Variants in ROM1 observed in about 807,000 individuals in gnomAD.
ROM1 encodes the protein retinal outer segment membrane protein 1.
ROM1 carries 17 observed loss-of-function variants against 23.0 expected under a neutral mutation model. The observed-to-expected ratio is 0.74, with a 90% CI of 0.51 to 1.11. The LOEUF (loss-of-function observed/expected upper bound fraction) is 1.11, where lower values mean the gene tolerates loss of function less well. Ranked by LOEUF, ROM1 falls within the 50% of genes least tolerant of loss-of-function variation. The probability of loss-of-function intolerance (pLI) is 0.00; values close to 1 mark genes in which losing one functional copy is unlikely to be tolerated. For synonymous variants in ROM1, 200 were observed against 206.5 expected, an observed-to-expected ratio of 0.97 and a Z score of 0.27; for missense variants, 436 against 439.7, an observed-to-expected ratio of 0.99 and a Z score of 0.08.
chr11:62,613,260 T>C lies in ROM1; in HGVS notation c.-22T>C, dbSNP rs4387351. The C allele has an allele frequency of 0.99, 1,554,684 of 1,572,906 alleles. 769,746 individuals carry two copies. The highest frequency in any genetic ancestry group is 1 in the East Asian group (42,906 of 42,906). On this transcript the variant is annotated 5_prime_UTR_variant, in exon 1 of 3. Transcript: ENST00000278833. ...AGCTTCCATCCCTGACACCTCTGCA[T>C]TCCCTTGGGCAGAGATGGGAGATGG...
intron 1 of ROM1, 23 bp from the exon 2 acceptor site, chr11:62,614,235 C>T (rs757598353): frequency 1.2e-6 from 2 of 1,613,520 alleles, no homozygotes; most frequent in Non-Finnish European, 1.7e-6. Context: ...GACATCCTAA[C>T]CCCTCTGTCC....
chr11:62,614,360 A>ATCCCC lies in ROM1; in HGVS notation c.693_694insTCCCC (p.Asp232SerfsTer86). ...GGCCTTGCCTGCAAAACCGTCTTTC[A>ATCCCC]GACTCCTACGCCCACCCCCTGTTCG... On this transcript the variant is annotated frameshift_variant, in exon 2 of 3. Transcript: ENST00000278833. LOFTEE classifies it high-confidence loss of function. 1.2e-6 allele frequency: 2 copies of ATCCCC among 1,614,064 alleles called. No individual in the cohort carries two copies. Among genetic ancestry groups the ATCCCC allele is most frequent in the Non-Finnish European group, 1.7e-6 (2 of 1,179,990 alleles).
In ROM1 at chr11:62,613,320, C is replaced by T. The variant is rs775092181; in HGVS notation, c.39C>T (p.Pro13=). 5.0e-6 allele frequency: 8 copies of T among 1,611,840 alleles called. No homozygotes were observed. The highest frequency in any genetic ancestry group is 6.8e-6 in the Non-Finnish European group (8 of 1,179,560). Residue 13 remains proline (P), a synonymous_variant, in exon 1 of 3, where the codon CCC becomes CCT. Transcript: ENST00000278833. ...TGCCCCTGGTGCTGCCCCTGCAGCCCCGCATCCGCCTGGCACAAGGGCTCT... is the reference window on the plus strand; with the variant it reads ...TGCCCCTGGTGCTGCCCCTGCAGCCTCGCATCCGCCTGGCACAAGGGCTCT... The part of the protein sequence containing the change: ...PVLPLVLPLQ[P]RIRLAQGLWL...
Position 62,613,743 on chromosome 11 carries a change from G to C in ROM1, c.462G>C (p.Gln154His). 1 of 1,614,212 alleles carries C rather than the reference G, an allele frequency of 6.2e-7. No homozygotes were observed. Among genetic ancestry groups the C allele is most frequent in the Non-Finnish European group, 8.5e-7 (1 of 1,180,034 alleles). The stretch of plus-strand genomic sequence containing the variant: ...ACACAGAGGTGCCTGGGCACTGTCA[G>C]GCCAAAAGGCTGGTGGATGAGCTGC... ...YKDTEVPGHC[Q>H]AKRLVDELQL... Residue 154 changes from glutamine to histidine, a missense_variant, in exon 1 of 3, where the codon CAG (glutamine) becomes CAC (histidine). Physicochemically the swap from Gln to His is conservative, Grantham distance 24 (BLOSUM62 0). Transcript: ENST00000278833.
rs147619226 is a variant in ROM1, at chr11:62,614,335, G to A, written c.668G>A (p.Arg223Gln). 2.7e-4 allele frequency: 436 copies of A among 1,613,636 alleles called. No individual in the cohort carries two copies. Among genetic ancestry groups the A allele is most frequent in the Non-Finnish European group, 3.3e-4 (392 of 1,179,912 alleles). The change falls in exon 2 of 3, where the codon CGG becomes CAG. Residue 223 changes from arginine (R) to glutamine (Q), a missense_variant. Arg to Gln is a conservative substitution (Grantham distance 43). Transcript: ENST00000278833. ...TCCTGTTGCAACCCCCACTCACCCC[G>A]GCCTTGCCTGCAAAACCGTCTTTCA... ...PFSCCNPHSPRPCLQNRLSDS... is the reference protein window; with the variant it reads ...PFSCCNPHSPQPCLQNRLSDS...
rs781595555 is a variant in ROM1, at chr11:62,614,794, C to T, written c.1011C>T (p.Ala337=). The T allele has an allele frequency of 1.2e-6, 2 of 1,614,174 alleles. No individual in the cohort carries two copies. The highest frequency in any genetic ancestry group is 1.7e-6 in the Non-Finnish European group (2 of 1,180,026). Residue 337 remains alanine, a synonymous_variant, in exon 3 of 3, where the codon GCC becomes GCT. Transcript: ENST00000278833. ...GVACRPAPEE[A]PPGEAPPKED... is the part of the protein sequence containing the mutation. Reference sequence around the variant, plus strand: ...CCTGCAGGCCAGCACCTGAGGAGGCCCCACCAGGAGAAGCACCTCCCAAGG... The same window carrying T: ...CCTGCAGGCCAGCACCTGAGGAGGCTCCACCAGGAGAAGCACCTCCCAAGG...
chr11:62,614,216 C>CT (rs754765498), intron 1 of ROM1, 42 bp from the exon 2 acceptor site: 3 of 1,610,082 alleles, frequency 1.9e-6, no homozygotes, highest in African/African-American at 2.7e-5. Flanking sequence ...CCCCAGGCCT[C>CT]TATCTCCAGA....
rs566705959 is a variant in ROM1 at position 62,613,950 on chromosome 11, G to C, written c.590+79G>C. ...TCCTGCTGCCTTGAATCCCCACCTC[G>C]CTCAGAGGGGCAATAAGTAGAACAT... On this transcript the variant is annotated intron_variant, in intron 1 of 2. Transcript: ENST00000278833. The C allele has an allele frequency of 2.5e-6, 4 of 1,600,196 alleles. No individual in the cohort carries two copies. The African/African-American group carries it at 5.4e-5, about 21-fold the overall frequency.
chr11:62,613,577 T>C lies in ROM1; in HGVS notation c.296T>C (p.Val99Ala). ...NAALYPPWRG[V>A]LGPLLVAGTA... ...GCTCTATACCCTCCCTGGCGAGGGG[T>C]CCTGGGCCCGCTGCTGGTGGCTGGC... is the stretch of plus-strand genomic sequence containing the variant. Residue 99 changes from valine (V) to alanine (A), a missense_variant, in exon 1 of 3, where the codon GTC becomes GCC. Coordinates refer to ENST00000278833, the MANE Select transcript of ROM1 (RefSeq NM_000327.4). 6.2e-7 allele frequency: 1 copy of C among 1,613,414 alleles called. No homozygotes were observed. Among genetic ancestry groups the C allele is most frequent in the East Asian group, 2.2e-5 (1 of 44,862 alleles).
chr11:62,613,501 C>T lies in ROM1; in HGVS notation c.220C>T (p.Leu74=). 1 of 1,613,832 alleles carries T rather than the reference C, an allele frequency of 6.2e-7. No homozygotes were observed. The highest frequency in any genetic ancestry group is 8.5e-7 in the Non-Finnish European group (1 of 1,179,850). The change falls in exon 1 of 3, where the codon CTG becomes TTG. Residue 74 remains leucine, a synonymous_variant. Transcript: ENST00000278833. The stretch of plus-strand genomic sequence containing the variant: ...TGCCCTGGCAGCGGGCGCGGTGGCT[C>T]TGGGCACAGGACTAGTGGGTGTAGG... The part of the protein sequence containing the change: ...QAALAAGAVA[L]GTGLVGVGAS...
At chr11:62,613,991 G>A in intron 1 of ROM1, 120 bp downstream of exon 1, 1 of 1,550,140 alleles carries the variant, frequency 6.5e-7, no homozygotes, top group African/African-American at 1.4e-5. Context: ...CTGAGAGACT[G>A]GTTACAGCTC....
At chr11:62,614,163 C>A in intron 1 of ROM1, 95 bp from the exon 2 acceptor site, 1 of 1,462,058 alleles carries the variant, frequency 6.8e-7, no homozygotes, top group Non-Finnish European at 9.6e-7. Context: ...AAATGTTTTA[C>A]TATTCTTTTT....
chr11:62,613,956 A>T (rs910069144), intron 1 of ROM1, 85 bp downstream of exon 1: 2 of 1,596,550 alleles, frequency 1.3e-6, no homozygotes, highest in African/African-American at 2.7e-5. Flanking sequence ...CCTCGCTCAG[A>T]GGGGCAATAA....
In ROM1 at chr11:62,614,602, C is replaced by CT. The variant is rs1942983978; in HGVS notation, c.838-19_838-18insT. ...AACCGCTGACTCTCCCTGACTCTTTCCCCTTGCTTCCCCCACAGGCTCTGG... is the reference window on the plus strand; with the variant it reads ...AACCGCTGACTCTCCCTGACTCTTTCTCCCTTGCTTCCCCCACAGGCTCTGG... On this transcript the variant is annotated intron_variant, in intron 2 of 2. Coordinates refer to ENST00000278833, the MANE Select transcript of ROM1 (RefSeq NM_000327.4). 1.2e-5 allele frequency: 20 copies of CT among 1,614,102 alleles called. No individual in the cohort carries two copies. In the East Asian group the frequency reaches 2.4e-4, roughly 20 times the overall value.
In ROM1 at chr11:62,613,438, C is replaced by A. The variant is rs1205100633; in HGVS notation, c.157C>A (p.Leu53Met). 6.2e-7 allele frequency: 1 copy of A among 1,613,224 alleles called. No individual in the cohort carries two copies. Among genetic ancestry groups the A allele is most frequent in the Non-Finnish European group, 8.5e-7 (1 of 1,179,586 alleles). Residue 53 changes from leucine (L) to methionine (M), a missense_variant, in exon 1 of 3, where the codon CTG becomes ATG. Coordinates refer to ENST00000278833, the MANE Select transcript of ROM1 (RefSeq NM_000327.4). ...LVQLRHLGTF[L>M]APSCQFPVLP... ...CCAGCTAAGGCACCTTGGCACCTTC[C>A]TGGCTCCCTCCTGTCAGTTCCCTGT...
rs1457113047 is a variant in ROM1 at position 62,613,815 on chromosome 11, T to TG, written c.538dup (p.Val180GlyfsTer13). 1.9e-6 allele frequency: 3 copies of TG among 1,614,008 alleles called. No individual in the cohort carries two copies. Among genetic ancestry groups the TG allele is most frequent in the Non-Finnish European group, 2.5e-6 (3 of 1,179,986 alleles). On this transcript the variant is annotated frameshift_variant, in exon 1 of 3. Transcript: ENST00000278833. LOFTEE classifies it high-confidence loss of function. ...GGCGCCACGGGTACAAGGATTGGTT[T>TG]GGGGTCCAGTGGGTCAGCAGCCGTT... is the stretch of plus-strand genomic sequence containing the variant.
At chr11:62,614,230 C>CT in intron 1 of ROM1, 28 bp from the exon 2 acceptor site, 1 of 1,605,484 alleles carries the variant, frequency 6.2e-7, no homozygotes, top group Non-Finnish European at 8.5e-7. Context: ...CTCCAGACAT[C>CT]CTAACCCCTC....
In ROM1 at chr11:62,613,703, T is replaced by C. The variant is rs190642059; in HGVS notation, c.422T>C (p.Leu141Ser). ...CTGGAGGAGGGCCTGGTGACTGCCT[T>C]GGCTCACTACAAGGACACAGAGGTG... ...EALEEGLVTALAHYKDTEVPG... is the reference protein window; with the variant it reads ...EALEEGLVTASAHYKDTEVPG... Residue 141 changes from leucine to serine, a missense_variant, in exon 1 of 3, where the codon TTG (leucine) becomes TCG (serine). Coordinates refer to ENST00000278833, the MANE Select transcript of ROM1 (RefSeq NM_000327.4). 1.4e-4 allele frequency: 230 copies of C among 1,614,156 alleles called. 2 individuals carry two copies. The East Asian group carries it at 5.1e-3, about 36-fold the overall frequency.
intron 1 of ROM1, 75 bp downstream of exon 1, chr11:62,613,946 C>T (rs1942964482): frequency 6.2e-7 from 1 of 1,605,362 alleles, no homozygotes; most frequent in South Asian, 1.1e-5. Flanking sequence ...TGAATCCCCA[C>T]CTCGCTCAGA....
Sources: allele counts gnomAD v4.1 joint callset, GRCh38; gene constraint gnomAD v4.1.1; transcripts MANE v1.5; gene names NCBI Gene and HGNC (gene_info 2026-07-23, HGNC 2026-07-21).